Variants in MRTFA observed in about 807,000 individuals in gnomAD.
The protein encoded by MRTFA is myocardin-related transcription factor A.
MRTFA carries 20 observed loss-of-function variants against 83.5 expected under a neutral mutation model. That is an observed-to-expected ratio of 0.24 (90% confidence interval 0.17 to 0.35). MRTFA has a LOEUF of 0.35. Ranked by LOEUF, MRTFA falls within the 10% of genes least tolerant of loss-of-function variation. The pLI is 1.00. For missense variants in MRTFA, 1,200 were observed against 1,224.7 expected, an observed-to-expected ratio of 0.98 and a Z score of 0.30; for synonymous variants, 659 against 541.2, an observed-to-expected ratio of 1.22 and a Z score of -3.02.
At position 40,420,424 on chromosome 22, in the gene MRTFA, G is replaced by A. The variant is rs1440878843; in HGVS notation, c.1334C>T (p.Ala445Val). Residue 445 changes from alanine (A) to valine (V), a missense_variant, in exon 11 of 15, where the codon GCC becomes GTC. Ala to Val is a moderately conservative substitution (Grantham distance 64). This residue lies in a region of MRTFA where 1,107 missense variants were observed against 1,041.8 expected (regional missense o/e 1.06). Coordinates refer to ENST00000355630, the MANE Select transcript of MRTFA (RefSeq NM_020831.6). ...ATGTACCTTCATGTCGTCCAGGTTG[G>A]CCGGCAGGGCTCCCGGCTTGCCAGT... 6.2e-7 allele frequency: 1 copy of A among 1,613,558 alleles called. No homozygotes were observed. The highest frequency in any genetic ancestry group is 1.7e-5 in the Admixed American group (1 of 60,020).
chr22:40,488,296 C>T (rs946540224), intron 3 of MRTFA, among the ~76,000 whole-genome samples: 16 of 152,228 alleles, frequency 1.1e-4, no homozygotes, highest in Admixed American at 8.5e-4. Flanking sequence ...TGGAGCATTA[C>T]GTTTGTGAAA....
intron 1 of MRTFA, among the ~76,000 whole-genome samples, chr22:40,603,506 G>A (rs1464053717): frequency 6.6e-6 from 1 of 152,082 alleles, no homozygotes; most frequent in African/African-American, 2.4e-5. Flanking sequence ...TAGAGTATAT[G>A]CTTTTGATAG....
At chr22:40,633,622 C>T (rs763329034) in intron 1 of MRTFA, among the ~76,000 whole-genome samples, 5 of 152,076 alleles carry the variant, frequency 3.3e-5, no homozygotes, top group Non-Finnish European at 7.4e-5. Context: ...AATGTTCCCA[C>T]AGGCCATACT....
At position 40,418,664 on chromosome 22, in the gene MRTFA, C is replaced by T; in HGVS notation, c.2074G>A (p.Gly692Ser). The T allele has an allele frequency of 6.6e-7, 1 of 1,526,640 alleles. No individual in the cohort carries two copies. Among genetic ancestry groups the T allele is most frequent in the African/African-American group, 1.4e-5 (1 of 71,974 alleles). The allele number at this position is 1,526,640 out of a possible 1,614,324, so 94.6% of individuals were successfully genotyped here. A position where few individuals can be genotyped will look rare whatever the true frequency, so the allele number is the denominator to read the frequency against. Residue 692 changes from glycine to serine, a missense_variant, in exon 12 of 15, where the codon GGC becomes AGC. Gly to Ser is a moderately conservative substitution (Grantham distance 56). Around this residue, in one of 2 missense-constraint regions of MRTFA, gnomAD observed 1,107 missense variants for 1,041.8 expected, o/e 1.06. Coordinates refer to ENST00000355630, the MANE Select transcript of MRTFA (RefSeq NM_020831.6). Reference sequence around the variant, plus strand: ...CTGGGGTTGAATGGGTGAGCGGGGCCCAGGGGCTGCTGGCTCAGCTGGCAG... The same window carrying T: ...CTGGGGTTGAATGGGTGAGCGGGGCTCAGGGGCTGCTGGCTCAGCTGGCAG...
intron 2 of MRTFA, among the ~76,000 whole-genome samples, chr22:40,579,072 C>T (rs2055910157): frequency 6.6e-6 from 1 of 152,158 alleles, no homozygotes; most frequent in Non-Finnish European, 1.5e-5. Context: ...CATGCCACTG[C>T]ATTCCAGCAT....
chr22:40,530,711 A>T (rs2147275275), intron 3 of MRTFA, among the ~76,000 whole-genome samples: 1 of 152,382 alleles, frequency 6.6e-6, no homozygotes, highest in Non-Finnish European at 1.5e-5. Flanking sequence ...ATTCAGCAAT[A>T]AACATCACAG....
chr22:40,535,438 A>T (rs974613342), intron 3 of MRTFA, among the ~76,000 whole-genome samples: 2 of 138,768 alleles, frequency 1.4e-5, no homozygotes, highest in Non-Finnish European at 3.0e-5. Flanking sequence ...CTGCAGCCTC[A>T]ACCTCCCAAG....
intron 14 of MRTFA, among the ~76,000 whole-genome samples, chr22:40,415,851 C>T (rs1170196207): frequency 6.6e-6 from 1 of 152,064 alleles, no homozygotes; most frequent in Non-Finnish European, 1.5e-5. Context: ...CCTCAGCTCC[C>T]TTGGTCACGG....
At chr22:40,452,048 A>C (rs2053502376) in intron 4 of MRTFA, among the ~76,000 whole-genome samples, 1 of 119,574 alleles carries the variant, frequency 8.4e-6, no homozygotes, top group East Asian at 2.6e-4. Flanking sequence ...CAGTGGTGTG[A>C]TCTCGGCTCA....
chr22:40,563,149 T>A (rs1284819261), intron 2 of MRTFA, among the ~76,000 whole-genome samples: 1 of 152,150 alleles, frequency 6.6e-6, no homozygotes, highest in Non-Finnish European at 1.5e-5. Flanking sequence ...TCCCCTTTAT[T>A]CACACTCTAA....
intron 5 of MRTFA, among the ~76,000 whole-genome samples, chr22:40,434,174 C>A (rs17001899): frequency 0.018 from 2,676 of 152,248 alleles, 69 homozygotes; most frequent in African/African-American, 0.061. Flanking sequence ...GAGAAGCAGT[C>A]AAGTAAATGG....
intron 3 of MRTFA, among the ~76,000 whole-genome samples, chr22:40,514,245 C>T (rs2054718243): frequency 6.6e-6 from 1 of 151,738 alleles, no homozygotes; most frequent in Non-Finnish European, 1.5e-5. Flanking sequence ...AGCAAGATCC[C>T]ATCTCTACAA....
At position 40,416,872 on chromosome 22, in the gene MRTFA, T is replaced by C; in HGVS notation, c.2578+114A>G. On this transcript the variant is annotated intron_variant, in intron 14 of 14. Transcript: ENST00000355630. The surrounding 1 kb of genome is among the most constrained non-coding windows in gnomAD (Gnocchi z 4.2). ...ACAGCCACCACTGCATCCACAGTGC[T>C]TGCCCAAGACTGGTCACGCACGGAA... 2 of 1,005,548 alleles carry C rather than the reference T, an allele frequency of 2.0e-6. No homozygotes were observed. The highest frequency in any genetic ancestry group is 3.0e-6 in the Non-Finnish European group (2 of 669,244). 62.3% of individuals were successfully genotyped at this position (1,005,548 alleles called of 1,614,324 possible).
chr22:40,518,795 CAAAA>C (rs879690699), intron 3 of MRTFA, among the ~76,000 whole-genome samples: 2 of 68,136 alleles, frequency 2.9e-5, no homozygotes, highest in African/African-American at 6.3e-5. Context: ...ACTCTGTCTC[CAAAA>C]AAAAAAAAAA....
At position 40,416,377 on chromosome 22, in the gene MRTFA, C is replaced by T. The variant is rs1483296185; in HGVS notation, c.2578+609G>A. ...GCTTCTGCCCTTGCACGGCTACTATCGCCTGGGTCCTGCATCAGACCAGGC... is the reference window on the plus strand; with the variant it reads ...GCTTCTGCCCTTGCACGGCTACTATTGCCTGGGTCCTGCATCAGACCAGGC... On this transcript the variant is annotated intron_variant, in intron 14 of 14. Transcript: ENST00000355630. This position sits in a 1 kb window ranked among gnomAD's most constrained non-coding sequence, Gnocchi z 4.2. Among the ~76,000 whole-genome samples, 1 of 152,248 alleles carries T rather than the reference C, an allele frequency of 6.6e-6. No homozygotes were observed. The highest frequency in any genetic ancestry group is 2.4e-5 in the African/African-American group (1 of 41,474).
intron 3 of MRTFA, among the ~76,000 whole-genome samples, chr22:40,486,239 T>C (rs1427577190): frequency 6.6e-6 from 1 of 152,242 alleles, no homozygotes; most frequent in African/African-American, 2.4e-5. Flanking sequence ...TCTTTATAAC[T>C]AATCTTATAG....
intron 3 of MRTFA, chr22:40,523,256 C>T (rs1301076174): frequency 6.6e-6 from 1 of 152,116 alleles, no homozygotes; most frequent in African/African-American, 2.4e-5. Context: ...ATAAATCCCA[C>T]ATATAAATCC....
At chr22:40,459,862 TAC>T (rs1555973838) in intron 4 of MRTFA, among the ~76,000 whole-genome samples, 7 of 121,486 alleles carry the variant, frequency 5.8e-5, no homozygotes, top group African/African-American at 1.6e-4. Flanking sequence ...TATATATATA[TAC>T]ACACATGAAT....
At chr22:40,519,595 C>A in intron 3 of MRTFA, 1 of 1,329,714 alleles carries the variant, frequency 7.5e-7, no homozygotes, top group South Asian at 1.3e-5. Context: ...TTTGTTATAC[C>A]CAATTTGAGA....
Sources: allele counts gnomAD v4.1 joint callset (sites outside exome capture counted in the v4.1 genomes callset), GRCh38; gene constraint gnomAD v4.1.1; regional missense constraint gnomAD v4.1.1; non-coding constraint Gnocchi (gnomAD v3.1); transcripts MANE v1.5; gene names NCBI Gene and HGNC (gene_info 2026-07-23, HGNC 2026-07-21).